The following ABI1 variants were observed in gnomAD, a reference collection of about 807,000 sequenced individuals.
ABI1 encodes the protein abl interactor 1, also known as Abelson interactor 1.
In ABI1, 14 loss-of-function variants were observed where a neutral mutation model predicts 54.6. The ratio of observed to expected loss-of-function variants is 0.26; its 90% CI spans 0.17 to 0.40. The LOEUF is 0.40. Among genes scored for constraint, ABI1 ranks in the 10% least tolerant of loss-of-function variants. The probability of loss-of-function intolerance (pLI) is 1.00; values close to 1 mark genes in which losing one functional copy is unlikely to be tolerated. For missense variants in ABI1, 443 were observed against 598.3 expected (o/e 0.74, Z 2.71); for synonymous variants, 194 against 209.3 (o/e 0.93, Z 0.63).
At chr10:26,850,441 C>T (rs775073188) in intron 1 of ABI1, among the ~76,000 whole-genome samples, 1 of 151,952 alleles carries the variant, frequency 6.6e-6, no homozygotes, top group Non-Finnish European at 1.5e-5. Context: ...AGGCAGATCA[C>T]GAGGTCAGCA....
rs1415102575 is a variant in ABI1, at chr10:26,761,664, A to ATATG, written c.821-2427_821-2426insCATA. ...TATATATATATATATATATATATAC[A>ATATG]CACACACATACACATATATAACCTT... On this transcript the variant is annotated intron_variant, in intron 7 of 10. Transcript: ENST00000376140. 2.3e-5 allele frequency among the ~76,000 whole-genome samples: 3 copies of ATATG among 128,060 alleles called. No individual in the cohort carries two copies. The East Asian group carries it at 7.3e-4, about 31-fold the overall frequency. The allele number at this position is 128,060 out of a possible 152,430, so 84.0% of individuals were successfully genotyped here.
chr10:26,850,034 G>A (rs7075503), intron 1 of ABI1, among the ~76,000 whole-genome samples: 39,121 of 152,060 alleles, frequency 0.26, 5,733 homozygotes, highest in South Asian at 0.44. Flanking sequence ...ACAATTATGT[G>A]CACAGCCTAT....
chr10:26,791,087 A>AAAAAAAAAAAAAAAAAAAAAAAAAC, intron 2 of ABI1, among the ~76,000 whole-genome samples: 1 of 145,166 alleles, frequency 6.9e-6, no homozygotes, highest in Non-Finnish European at 1.5e-5. Flanking sequence ...AAAAAAAAAA[A>AAAAAAAAAAAAAAAAAAAAAAAAAC]AAAACAGAGC....
intron 2 of ABI1, among the ~76,000 whole-genome samples, chr10:26,798,631 G>A (rs78952660): frequency 0.052 from 7,931 of 151,762 alleles, 264 homozygotes; most frequent in East Asian, 0.1. Flanking sequence ...CTAAATTTGC[G>A]GTGATTTGTT....
At chr10:26,832,212 T>C (rs929523051) in intron 1 of ABI1, among the ~76,000 whole-genome samples, 6 of 152,076 alleles carry the variant, frequency 3.9e-5, no homozygotes, top group Non-Finnish European at 7.4e-5. Context: ...AGATACTAAG[T>C]AGGGGAGGGG....
chr10:26,821,243 T>TAAA (rs34139312), intron 2 of ABI1, among the ~76,000 whole-genome samples: 24,992 of 114,550 alleles, frequency 0.22, 3,412 homozygotes, highest in African/African-American at 0.34. Context: ...AGACTCCATC[T>TAAA]AAAAAAAAAA....
intron 6 of ABI1, among the ~76,000 whole-genome samples, chr10:26,765,683 T>G (rs1288646342): frequency 5.2e-3 from 175 of 33,508 alleles, no homozygotes; most frequent in African/African-American, 6.1e-3. Flanking sequence ...GGAGGGAGAG[T>G]GGGAGGGAGA....
chr10:26,828,429 T>C (rs531071072), intron 1 of ABI1, among the ~76,000 whole-genome samples: 4 of 152,364 alleles, frequency 2.6e-5, no homozygotes, highest in African/African-American at 9.6e-5. Flanking sequence ...ACTTGCTCGA[T>C]GCAAGGTTGC....
At chr10:26,858,002 C>CA (rs1174802849) in intron 1 of ABI1, among the ~76,000 whole-genome samples, 72 of 152,184 alleles carry the variant, frequency 4.7e-4, no homozygotes, top group Admixed American at 1.4e-3. Context: ...GCACCACAGC[C>CA]AAAAGAGTTT....
rs756274226 is a variant in ABI1 at position 26,748,631 on chromosome 10, T to C, written c.1385A>G (p.Asn462Ser). The C allele has an allele frequency of 2.5e-6, 4 of 1,613,744 alleles. No individual in the cohort carries two copies. The highest frequency in any genetic ancestry group is 1.7e-4 in the Middle Eastern group (1 of 6,058). Residue 462 changes from asparagine to serine, a missense_variant, in exon 11 of 11, where the codon AAT becomes AGT. Coordinates refer to ENST00000376140, the MANE Select transcript of ABI1 (RefSeq NM_001012750.3). ...CCCAGGGAACAGACCAGTCACTCGA[T>C]TGCAGACTCCTTCATACCAGCCATC... The part of the protein sequence containing the change: ...NDDGWYEGVC[N>S]RVTGLFPGNY...
chr10:26,755,603 G>C (rs1243247669), intron 9 of ABI1, 52 bp downstream of exon 9: 1 of 1,403,364 alleles, frequency 7.1e-7, no homozygotes, highest in Non-Finnish European at 1.0e-6. Flanking sequence ...AGCCATGCAT[G>C]CTATAAGGAG....
At chr10:26,770,140 A>G (rs1840490099) in intron 5 of ABI1, 105 bp downstream of exon 5, 1 of 850,982 alleles carries the variant, frequency 1.2e-6, no homozygotes, top group Non-Finnish European at 2.0e-6. Context: ...GTAGCGTCAC[A>G]TAGAGAGGGT....
chr10:26,843,630 G>A (rs140910157), intron 1 of ABI1, among the ~76,000 whole-genome samples: 6 of 150,862 alleles, frequency 4.0e-5, no homozygotes, highest in African/African-American at 1.5e-4. Context: ...TTGCAGCACC[G>A]TACCTCCTCA....
At chr10:26,844,842 C>G (rs1364537511) in intron 1 of ABI1, among the ~76,000 whole-genome samples, 1 of 152,186 alleles carries the variant, frequency 6.6e-6, no homozygotes. Flanking sequence ...TCTTATCTTC[C>G]TTTTCAATCT....
At chr10:26,809,840 G>A (rs115248581) in intron 2 of ABI1, among the ~76,000 whole-genome samples, 66 of 152,310 alleles carry the variant, frequency 4.3e-4, no homozygotes, top group African/African-American at 1.5e-3. Flanking sequence ...TGATGAGCAA[G>A]GAGGGTAGCA....
chr10:26,841,264 AT>A (rs771737196), intron 1 of ABI1, among the ~76,000 whole-genome samples: 8 of 152,120 alleles, frequency 5.3e-5, no homozygotes, highest in Non-Finnish European at 1.0e-4. Flanking sequence ...TCAACCATAT[AT>A]TTTATTTCAT....
At chr10:26,790,512 T>C (rs1273816605) in intron 2 of ABI1, 2 of 152,164 alleles carry the variant, frequency 1.3e-5, no homozygotes, top group African/African-American at 4.8e-5. Context: ...AAGTTCCTTA[T>C]AGAAGCTGGA....
At chr10:26,785,355 G>A (rs2133073789) in intron 2 of ABI1, among the ~76,000 whole-genome samples, 1 of 152,316 alleles carries the variant, frequency 6.6e-6, no homozygotes, top group East Asian at 1.9e-4. Flanking sequence ...ATAAGGAATG[G>A]TCTTGAGGGA....
chr10:26,841,176 C>T (rs2049470714), intron 1 of ABI1, among the ~76,000 whole-genome samples: 1 of 152,114 alleles, frequency 6.6e-6, no homozygotes, highest in South Asian at 2.1e-4. Flanking sequence ...AAACACCTGC[C>T]CACTCTTGCT....
Sources: allele counts gnomAD v4.1 joint callset (sites outside exome capture counted in the v4.1 genomes callset), GRCh38; gene constraint gnomAD v4.1.1; transcripts MANE v1.5; gene names NCBI Gene and HGNC (gene_info 2026-07-23, HGNC 2026-07-21).